The following MASTL variants were observed in gnomAD, a reference collection of about 807,000 sequenced individuals.
MASTL encodes serine/threonine-protein kinase greatwall.
MASTL carries 54 observed loss-of-function variants against 82.5 expected under a neutral mutation model. The observed-to-expected ratio is 0.65, with a 90% CI of 0.53 to 0.82. MASTL has a LOEUF of 0.82. Ranked by LOEUF, MASTL falls within the 40% of genes least tolerant of loss-of-function variation. MASTL has a pLI of 0.00. For synonymous variants in MASTL, 323 were observed against 368.9 expected (o/e 0.88, Z 1.43); for missense variants, 950 against 1,047.8 (o/e 0.91, Z 1.29).
In MASTL at chr10:27,173,184, GC is replaced by G. The variant is rs1418405932; in HGVS notation, c.2196del (p.Val733LeufsTer7). ...RTPKSVRRGVAPVDDGRILGT... is the reference protein window; with the variant it reads ...RTPKSVRRGVXPVDDGRILGT... ...TCCGAAGAGTGTGAGAAGAGGGGTG[GC>G]CCCCGTTGATGATGGGCGAATTCTA... On this transcript the variant is annotated frameshift_variant, in exon 9 of 12. Coordinates refer to ENST00000375940, the MANE Select transcript of MASTL (RefSeq NM_001172303.3). LOFTEE classifies it high-confidence loss of function. The G allele has an allele frequency of 3.7e-6, 6 of 1,614,004 alleles. No homozygotes were observed. The East Asian group carries it at 1.1e-4, about 30-fold the overall frequency.
At chr10:27,158,426 G>A (rs944354404) in intron 1 of MASTL, 123 bp from the exon 2 acceptor site, 3 of 765,814 alleles carry the variant, frequency 3.9e-6, no homozygotes, top group African/African-American at 3.5e-5. Context: ...AGGATAACTT[G>A]AGCCTAGGAA....
Position 27,187,172 on chromosome 10 carries a change from C to A in MASTL, c.*636C>A, listed in dbSNP as rs534636519. Among the ~76,000 whole-genome samples, 1 of 152,056 alleles carries A rather than the reference C, an allele frequency of 6.6e-6. No homozygotes were observed. The highest frequency in any genetic ancestry group is 1.9e-4 in the East Asian group (1 of 5,172). On this transcript the variant is annotated 3_prime_UTR_variant, in exon 12 of 12. Transcript: ENST00000375940. ...CAAATTAGCCGGGCATGTTGGTGGG[C>A]GCCTGTAGTCCCAGCTACTCTGGAG...
In MASTL at chr10:27,165,277, C is replaced by T. The variant is rs2057705018; in HGVS notation, c.660+107C>T. 2.9e-6 allele frequency: 4 copies of T among 1,393,070 alleles called. No homozygotes were observed. In the South Asian group the frequency reaches 4.7e-5, roughly 16 times the overall value. The allele number at this position is 1,393,070 out of a possible 1,614,324, so 86.3% of individuals were successfully genotyped here. ...GATCAAAATAGATTTAAATATCAAG[C>T]ATTTGGATTTACTTTAACAGTTTGT... On this transcript the variant is annotated intron_variant, in intron 5 of 11. Coordinates refer to ENST00000375940, the MANE Select transcript of MASTL (RefSeq NM_001172303.3).
In MASTL at chr10:27,169,874, C is replaced by G. The variant is rs760850628; in HGVS notation, c.985-70C>G. ...TATGGGGTCATTTATCCTACCTTAA[C>G]GGACCATAGTTAAAAGGTCAATGAA... On this transcript the variant is annotated intron_variant, in intron 7 of 11. Transcript: ENST00000375940. 86 of 1,490,666 alleles carry G rather than the reference C, an allele frequency of 5.8e-5. 3 individuals are homozygous for G. In the South Asian group the frequency reaches 9.4e-4, roughly 16 times the overall value. The allele number at this position is 1,490,666 out of a possible 1,614,324, so 92.3% of individuals were successfully genotyped here. A position where few individuals can be genotyped will look rare whatever the true frequency, so the allele number is the denominator to read the frequency against.
In MASTL at chr10:27,186,531, C is replaced by G; in HGVS notation, c.2635C>G (p.Leu879Val). Residue 879 changes from leucine to valine, a missense_variant, in exon 12 of 12, where the codon CTG (leucine) becomes GTG (valine). By Grantham distance (32) the Leu-to-Val change is conservative. Transcript: ENST00000375940. ...GCACCTGACTGTATCTGGATTTAGT[C>G]TGTAGCACAAAAATTTTCCTTTTAG... ...AQHLTVSGFS[L>V] is the part of the protein sequence containing the mutation. 1.2e-6 allele frequency: 2 copies of G among 1,613,882 alleles called. No homozygotes were observed. The highest frequency in any genetic ancestry group is 1.7e-6 in the Non-Finnish European group (2 of 1,179,874).
chr10:27,174,570 A>G (rs1047757465), intron 9 of MASTL, among the ~76,000 whole-genome samples: 4 of 152,232 alleles, frequency 2.6e-5, no homozygotes, highest in African/African-American at 9.6e-5. Flanking sequence ...CCACAGGGCT[A>G]TACTACCCCT....
In MASTL at chr10:27,186,968, T is replaced by C. The variant is rs2058797827; in HGVS notation, c.*432T>C. On this transcript the variant is annotated 3_prime_UTR_variant, in exon 12 of 12. Transcript: ENST00000375940. ...ATGATTACCTTCAAAAGCTGTGTTC[T>C]TGAGGGCAATCATTTAAGGCCATAC... 1 of 241,826 alleles carries C rather than the reference T, an allele frequency of 4.1e-6. No homozygotes were observed. The highest frequency in any genetic ancestry group is 2.3e-5 in the African/African-American group (1 of 43,076). 15.0% of individuals were successfully genotyped at this position (241,826 alleles called of 1,614,324 possible). A position where few individuals can be genotyped will look rare whatever the true frequency, so the allele number is the denominator to read the frequency against.
rs2057501519 is a variant in MASTL, at chr10:27,159,534, A to G, written c.325-85A>G. The stretch of plus-strand genomic sequence containing the variant: ...TCGTTTCATTACAGAGCCATGCCAA[A>G]TATTGTAACTGTAATGCCCAAATAC... On this transcript the variant is annotated intron_variant, in intron 2 of 11. Transcript: ENST00000375940. The surrounding 1 kb of genome is among the most constrained non-coding windows in gnomAD (Gnocchi z 4.0). 1.0e-6 allele frequency: 1 copy of G among 957,000 alleles called. No homozygotes were observed. The highest frequency in any genetic ancestry group is 1.6e-6 in the Non-Finnish European group (1 of 610,748). 59.3% of individuals were successfully genotyped at this position (957,000 alleles called of 1,614,324 possible). A position where few individuals can be genotyped will look rare whatever the true frequency, so the allele number is the denominator to read the frequency against.
intron 11 of MASTL, among the ~76,000 whole-genome samples, chr10:27,184,144 T>C: frequency 6.6e-6 from 1 of 152,196 alleles, no homozygotes; most frequent in East Asian, 1.9e-4. Context: ...ACTTACATTC[T>C]AGTGGAAAGA....
intron 4 of MASTL, 61 bp from the exon 5 acceptor site, chr10:27,165,003 T>G: frequency 1.9e-6 from 2 of 1,073,444 alleles, no homozygotes; most frequent in Non-Finnish European, 2.9e-6. Flanking sequence ...TAACATTCAT[T>G]TTTAGTCAAT....
intron 7 of MASTL, among the ~76,000 whole-genome samples, chr10:27,169,218 A>G (rs1284551677): frequency 3.3e-5 from 5 of 152,138 alleles, no homozygotes; most frequent in East Asian, 1.9e-4. Flanking sequence ...TTTTAGGTCT[A>G]TAATTTTTCA....
chr10:27,178,127 C>T (rs1040399172), intron 9 of MASTL, among the ~76,000 whole-genome samples: 8 of 152,184 alleles, frequency 5.3e-5, no homozygotes, highest in African/African-American at 1.9e-4. Context: ...CACTGTGGCT[C>T]ACGCCTGTAA....
intron 4 of MASTL, among the ~76,000 whole-genome samples, chr10:27,161,653 T>G (rs1470876928): frequency 6.6e-6 from 1 of 152,188 alleles, no homozygotes; most frequent in African/African-American, 2.4e-5. Flanking sequence ...TATCCCAGAA[T>G]AGGCTAGAAA....
At chr10:27,180,718 G>A (rs2058247112) in intron 9 of MASTL, among the ~76,000 whole-genome samples, 1 of 152,104 alleles carries the variant, frequency 6.6e-6, no homozygotes, top group African/African-American at 2.4e-5. Context: ...TATCAATCAA[G>A]GGTCTGGTGA....
chr10:27,157,476 TAAAG>T (rs1226184741), intron 1 of MASTL, among the ~76,000 whole-genome samples: 1 of 152,208 alleles, frequency 6.6e-6, no homozygotes, highest in Non-Finnish European at 1.5e-5. Flanking sequence ...TCAGTTTTCT[TAAAG>T]AAAGGAGTTA....
Position 27,181,565 on chromosome 10 carries a change from G to A in MASTL, c.2466G>A (p.Lys822=). The change falls in exon 11 of 12, where the codon AAG becomes AAA. Residue 822 remains lysine, a synonymous_variant. Coordinates refer to ENST00000375940, the MANE Select transcript of MASTL (RefSeq NM_001172303.3). Reference sequence around the variant, plus strand: ...TACTTTTAACCATTGATGATACAAAGAGAGCTGGAATGAAAGGTATGGTTT... The same window carrying A: ...TACTTTTAACCATTGATGATACAAAAAGAGCTGGAATGAAAGGTATGGTTT... ...VEILLTIDDT[K]RAGMKELKRH... is the part of the protein sequence containing the mutation. 1 of 1,608,848 alleles carries A rather than the reference G, an allele frequency of 6.2e-7. No homozygotes were observed. The highest frequency in any genetic ancestry group is 8.5e-7 in the Non-Finnish European group (1 of 1,175,622).
At chr10:27,182,111 C>T (rs1455487319) in intron 11 of MASTL, among the ~76,000 whole-genome samples, 6 of 150,918 alleles carry the variant, frequency 4.0e-5, no homozygotes, top group African/African-American at 1.2e-4. Context: ...TTAGGCCCAG[C>T]GTGGTGGCGT....
chr10:27,170,764 C>A lies in MASTL; in HGVS notation c.1805C>A (p.Ser602Ter). ...ATCAAAGAATCCTCTTTTGAAGAAT[C>A]AAATATTGAAGATCCACTTATTGTA... ...RSIKESSFEE[S>*]NIEDPLIVTP... Residue 602 changes from serine to a stop codon, truncating the protein, a stop_gained, in exon 8 of 12, where the codon TCA (serine) becomes TAA (stop). Transcript: ENST00000375940. LOFTEE classifies it high-confidence loss of function. 2 of 1,613,958 alleles carry A rather than the reference C, an allele frequency of 1.2e-6. No individual in the cohort carries two copies. Among genetic ancestry groups the A allele is most frequent in the South Asian group, 2.2e-5 (2 of 91,042 alleles).
chr10:27,171,841 T>TTC (rs2057955175), intron 8 of MASTL, among the ~76,000 whole-genome samples: 1 of 143,272 alleles, frequency 7.0e-6, no homozygotes, highest in Non-Finnish European at 1.5e-5. Flanking sequence ...TTTTTTTTTT[T>TTC]TTTTTTGAGA....
Sources: allele counts gnomAD v4.1 joint callset (sites outside exome capture counted in the v4.1 genomes callset), GRCh38; gene constraint gnomAD v4.1.1; non-coding constraint Gnocchi (gnomAD v3.1); transcripts MANE v1.5; gene names NCBI Gene and HGNC (gene_info 2026-07-23, HGNC 2026-07-21).